The following AP4S1 variants were observed in gnomAD, a reference collection of about 807,000 sequenced individuals.
AP4S1 encodes adaptor related protein complex 4 subunit sigma 1, also known as AP-4 complex subunit sigma-1.
In AP4S1, 23 loss-of-function variants were observed where a neutral mutation model predicts 19.8. The ratio of observed to expected loss-of-function variants is 1.16; its 90% confidence interval spans 0.84 to 1.65. The LOEUF (loss-of-function observed/expected upper bound fraction) is 1.65. Ranked by LOEUF, AP4S1 falls within the 40% of genes most tolerant of loss-of-function variation. The probability of loss-of-function intolerance (pLI) is 0.00; values close to 1 mark genes in which losing one functional copy is unlikely to be tolerated. For synonymous variants in AP4S1, 46 were observed against 54.1 expected (o/e 0.85, Z 0.66); for missense variants, 166 against 172.8 (o/e 0.96, Z 0.22).
At chr14:31,049,778 G>A (rs543275564) in intron 1 of AP4S1, among the ~76,000 whole-genome samples, 1 of 150,808 alleles carries the variant, frequency 6.6e-6, no homozygotes, top group South Asian at 2.1e-4. Flanking sequence ...TTTTTTGCAT[G>A]TTTTGTAGAG....
chr14:31,072,129 C>T (rs995139692), intron 3 of AP4S1, among the ~76,000 whole-genome samples: 3 of 151,606 alleles, frequency 2.0e-5, no homozygotes, highest in East Asian at 1.9e-4. Flanking sequence ...TTAGTAGAGA[C>T]GAGGTTTCAC....
intron 5 of AP4S1, 122 bp downstream of exon 5, chr14:31,080,706 A>G: frequency 7.3e-7 from 1 of 1,378,920 alleles, no homozygotes; most frequent in Admixed American, 1.7e-5. Context: ...ACCAACAACT[A>G]TGACAAGACA....
chr14:31,071,451 T>C (rs1029758781), intron 3 of AP4S1, among the ~76,000 whole-genome samples: 3 of 152,174 alleles, frequency 2.0e-5, no homozygotes, highest in African/African-American at 7.2e-5. Flanking sequence ...AGATGGAATC[T>C]CACCCTGTCA....
At chr14:31,073,263 G>A in intron 4 of AP4S1, 1 of 346,356 alleles carries the variant, frequency 2.9e-6, no homozygotes, top group Non-Finnish European at 5.5e-6. Flanking sequence ...GGCTAAGGTG[G>A]GCAGATCACA....
chr14:31,025,981 G>C lies in AP4S1; in HGVS notation c.-72+194G>C. 1.9e-6 allele frequency: 3 copies of C among 1,574,822 alleles called. No individual in the cohort carries two copies. The highest frequency in any genetic ancestry group is 1.4e-5 in the African/African-American group (1 of 73,718). On this transcript the variant is annotated intron_variant, in intron 1 of 5. Transcript: ENST00000542754. ...GCCCACTCGTGCTGGATGTAGTGCA[G>C]TATCCCCGGGATAGTGTACTGCTGC...
chr14:31,033,758 A>G (rs1474413041), intron 1 of AP4S1, among the ~76,000 whole-genome samples: 1 of 152,254 alleles, frequency 6.6e-6, no homozygotes. Context: ...AACCCTTTGG[A>G]TAATATTCTG....
At chr14:31,068,990 G>T (rs1323239251) in intron 2 of AP4S1, among the ~76,000 whole-genome samples, 1 of 152,140 alleles carries the variant, frequency 6.6e-6, no homozygotes, top group Non-Finnish European at 1.5e-5. Flanking sequence ...TTAAATAAAA[G>T]CCTAAATTCC....
In AP4S1 at chr14:31,069,926, T is replaced by C. The variant is rs554442025; in HGVS notation, c.222T>C (p.Thr74=). 21 of 1,606,912 alleles carry C rather than the reference T, an allele frequency of 1.3e-5. No individual in the cohort carries two copies. In the East Asian group the frequency reaches 2.0e-4, roughly 15 times the overall value. ...ALFIVVGVND[T]ENEMAIYEFI... ...TCATTGTGGTTGGAGTTAATGACACTGAGGTAAGATAATAGAAGAGCCCTT... is the reference window on the plus strand; with the variant it reads ...TCATTGTGGTTGGAGTTAATGACACCGAGGTAAGATAATAGAAGAGCCCTT... The change falls in exon 3 of 6, where the codon ACT becomes ACC. Residue 74 remains threonine, a synonymous_variant. Transcript: ENST00000542754.
intron 1 of AP4S1, among the ~76,000 whole-genome samples, chr14:31,053,298 A>G (rs2139508393): frequency 6.6e-6 from 1 of 152,266 alleles, no homozygotes; most frequent in East Asian, 1.9e-4. Context: ...TTTCTCCATC[A>G]GTCAGTAAGG....
chr14:31,060,049 T>A (rs1002647202), intron 1 of AP4S1, among the ~76,000 whole-genome samples: 3 of 147,374 alleles, frequency 2.0e-5, no homozygotes, highest in Non-Finnish European at 4.5e-5. Flanking sequence ...GTATATATAT[T>A]TATATATTTA....
chr14:31,074,483 T>G (rs73252194), intron 4 of AP4S1, among the ~76,000 whole-genome samples: 2,141 of 152,154 alleles, frequency 0.014, 56 homozygotes, highest in African/African-American at 0.049. Context: ...AAACCCTGTC[T>G]CCATCCTGGC....
In AP4S1 at chr14:31,081,518, C is replaced by A. The variant is rs573304617; in HGVS notation, c.306+934C>A. ...CAGATTTTGGCAGGAGCCCTCCAGG[C>A]TTTGTGCGAGTGTTTGGGAGGCAAG... On this transcript the variant is annotated intron_variant, in intron 5 of 5. Coordinates refer to ENST00000542754, the MANE Select transcript of AP4S1 (RefSeq NM_001128126.3). 4.3e-4 allele frequency among the ~76,000 whole-genome samples: 66 copies of A among 152,236 alleles called. No homozygotes were observed. The Middle Eastern group carries it at 0.02, about 47-fold the overall frequency.
At chr14:31,037,244 C>T (rs546911172) in intron 1 of AP4S1, among the ~76,000 whole-genome samples, 45 of 150,004 alleles carry the variant, frequency 3.0e-4, no homozygotes, top group Non-Finnish European at 5.5e-4. Context: ...GTTCTTGTTG[C>T]TACCTTAGTT....
At chr14:31,034,403 T>A (rs534348289) in intron 1 of AP4S1, among the ~76,000 whole-genome samples, 4 of 152,158 alleles carry the variant, frequency 2.6e-5, no homozygotes, top group Admixed American at 2.0e-4. Flanking sequence ...TTTTATAGTT[T>A]TTATAGTTTC....
chr14:31,057,224 C>T (rs879847852), intron 1 of AP4S1, among the ~76,000 whole-genome samples: 34 of 152,176 alleles, frequency 2.2e-4, no homozygotes, highest in African/African-American at 7.7e-4. Flanking sequence ...GTTTTCCCAT[C>T]TACAAAATGA....
chr14:31,072,242 A>T (rs1378072370), intron 3 of AP4S1, among the ~76,000 whole-genome samples: 1 of 151,662 alleles, frequency 6.6e-6, no homozygotes, highest in Non-Finnish European at 1.5e-5. Context: ...CGCCAAGCCT[A>T]TTTTTTTATT....
chr14:31,082,887 C>T (rs987446569), intron 5 of AP4S1, among the ~76,000 whole-genome samples: 2 of 149,500 alleles, frequency 1.3e-5, no homozygotes, highest in African/African-American at 2.5e-5. Context: ...CAGAGCGAGA[C>T]TCCGTCTCAA....
intron 5 of AP4S1, chr14:31,084,904 T>C (rs1449985802): frequency 6.2e-7 from 1 of 1,614,094 alleles, no homozygotes; most frequent in South Asian, 1.1e-5. Context: ...AGGGCACCAA[T>C]GAACAGCACA....
intron 3 of AP4S1, among the ~76,000 whole-genome samples, chr14:31,072,552 A>G (rs925084257): frequency 2.0e-5 from 3 of 151,684 alleles, no homozygotes; most frequent in African/African-American, 7.3e-5. Flanking sequence ...TAAGTTTTTT[A>G]TGGAGACAGA....
Sources: gnomAD v4.1 joint callset for allele counts (sites outside exome capture counted in the v4.1 genomes callset) on GRCh38, gnomAD v4.1.1 for gene constraint, MANE v1.5 for transcripts, NCBI Gene and HGNC (gene_info 2026-07-23, HGNC 2026-07-21) for gene names.